CPNE5: variants seen among roughly 807,000 people sequenced by gnomAD.
The protein encoded by CPNE5 is copine 5.
A neutral mutation model predicts 81.1 loss-of-function variants in CPNE5; 42 were observed. That is an observed-to-expected ratio of 0.52 (90% CI 0.40 to 0.67). CPNE5 has a LOEUF of 0.67. CPNE5 is among the 30% of genes least tolerant of loss of function. The probability of loss-of-function intolerance (pLI) is 0.00; values close to 1 mark genes in which losing one functional copy is unlikely to be tolerated. For synonymous variants in CPNE5, 313 were observed against 321.5 expected (o/e 0.97, Z 0.28); for missense variants, 612 against 815.5 (o/e 0.75, Z 3.04).
At chr6:36,763,764 G>C (rs947887093) in intron 11 of CPNE5, among the ~76,000 whole-genome samples, 1 of 152,184 alleles carries the variant, frequency 6.6e-6, no homozygotes, top group Non-Finnish European at 1.5e-5. Flanking sequence ...GCAAAACATA[G>C]ATGAAGCAAA....
chr6:36,803,612 G>A (rs1770326926), intron 3 of CPNE5, among the ~76,000 whole-genome samples: 1 of 152,134 alleles, frequency 6.6e-6, no homozygotes, highest in Admixed American at 6.5e-5. Flanking sequence ...GACCGATTTT[G>A]CATCTATGTG....
In CPNE5 at chr6:36,798,225, G is replaced by C. The variant is rs1423679529; in HGVS notation, c.344C>G (p.Ala115Gly). ...CACAATCTCTCCAAGGGTGCAGAAG[G>C]CCTGGCCCAGGAAATCCTGCATATC... ...DLSKHDFLGQ[A>G]FCTLGEIVGS... is the part of the protein sequence containing the mutation. Residue 115 changes from alanine to glycine, a missense_variant, in exon 6 of 21, where the codon GCC becomes GGC. Transcript: ENST00000244751. 1.2e-6 allele frequency: 2 copies of C among 1,613,646 alleles called. No homozygotes were observed. The highest frequency in any genetic ancestry group is 1.7e-6 in the Non-Finnish European group (2 of 1,179,778).
chr6:36,812,779 C>G (rs181559061), intron 3 of CPNE5, among the ~76,000 whole-genome samples: 61 of 152,308 alleles, frequency 4.0e-4, no homozygotes, highest in African/African-American at 1.4e-3. Flanking sequence ...TAAAGGCTTT[C>G]CAAGTGACCT....
At chr6:36,805,462 T>C (rs907194785) in intron 3 of CPNE5, among the ~76,000 whole-genome samples, 1 of 152,138 alleles carries the variant, frequency 6.6e-6, no homozygotes, top group East Asian at 1.9e-4. Context: ...CACCAAACAC[T>C]GGTAAGCACA....
chr6:36,792,234 C>CA, intron 7 of CPNE5, 138 bp from the exon 8 acceptor site: 1 of 1,240,106 alleles, frequency 8.1e-7, no homozygotes. Flanking sequence ...CCTGAGAAGA[C>CA]AGAGTCTCCT....
chr6:36,755,706 T>G, intron 13 of CPNE5: 1 of 159,620 alleles, frequency 6.3e-6, no homozygotes, highest in South Asian at 1.8e-4. Context: ...GAGAAGCCAC[T>G]AGGCCGGCGT....
Position 36,839,291 on chromosome 6 carries a change from C to A in CPNE5, c.87G>T (p.Val29=). Residue 29 remains valine, a synonymous_variant, in exon 1 of 21, where the codon GTG becomes GTT. Coordinates refer to ENST00000244751, the MANE Select transcript of CPNE5 (RefSeq NM_020939.2). The surrounding 1 kb of genome is among the most constrained non-coding windows in gnomAD (Gnocchi z 7.3). ...GCCAGCGGGAGGCTCACCTGCAGGA[C>A]ACGGTGATCTCCACCTTGGTGGCCG... is the stretch of plus-strand genomic sequence containing the variant. ...SIPATKVEIT[V]SCRNLLDKDM... is the part of the protein sequence containing the mutation. The A allele has an allele frequency of 6.5e-7, 1 of 1,544,324 alleles. No individual in the cohort carries two copies.
chr6:36,781,444 AG>A (rs1368785851), intron 8 of CPNE5, among the ~76,000 whole-genome samples: 1 of 152,222 alleles, frequency 6.6e-6, no homozygotes, highest in Non-Finnish European at 1.5e-5. Flanking sequence ...AGGTTTTTAG[AG>A]GTTAAATCAT....
At chr6:36,825,483 C>T (rs112892239) in intron 1 of CPNE5, among the ~76,000 whole-genome samples, 4 of 152,314 alleles carry the variant, frequency 2.6e-5, no homozygotes, top group African/African-American at 9.6e-5. Context: ...GCCTCCCTGA[C>T]CCCACAGGCA....
At chr6:36,802,887 T>C (rs1409711273) in intron 3 of CPNE5, among the ~76,000 whole-genome samples, 1 of 151,864 alleles carries the variant, frequency 6.6e-6, no homozygotes, top group Non-Finnish European at 1.5e-5. Context: ...CCATCTCTAT[T>C]TAAAAAAAAA....
rs1007125501 is a variant in CPNE5 at position 36,774,705 on chromosome 6, G to A, written c.737+256C>T. Among the ~76,000 whole-genome samples the A allele has an allele frequency of 3.3e-5, 5 of 152,308 alleles. No individual in the cohort carries two copies. In the East Asian group the frequency reaches 9.7e-4, roughly 29 times the overall value. The stretch of plus-strand genomic sequence containing the variant: ...ACCAGTGGGGATGCCAGACAGAGGG[G>A]AAAGAGGTGGGGCGGGTGGGGAGAA... On this transcript the variant is annotated intron_variant, in intron 10 of 20. Coordinates refer to ENST00000244751, the MANE Select transcript of CPNE5 (RefSeq NM_020939.2).
In CPNE5 at chr6:36,746,559, G is replaced by A; in HGVS notation, c.1037C>T (p.Thr346Ile). 6.2e-7 allele frequency: 1 copy of A among 1,612,516 alleles called. No homozygotes were observed. Among genetic ancestry groups the A allele is most frequent in the African/African-American group, 1.3e-5 (1 of 74,946 alleles). The change falls in exon 16 of 21, where the codon ACA becomes ATA. Residue 346 changes from threonine (T) to isoleucine (I), a missense_variant. Physicochemically the swap from Thr to Ile is moderately conservative, Grantham distance 89 (BLOSUM62 -1). Transcript: ENST00000244751. This position sits in a 1 kb window ranked among gnomAD's most constrained non-coding sequence, Gnocchi z 4.5. ...GTAGGGGCTCATGTAGTGCAGGGAT[G>A]TGGACTGTGAGGGGTTCCCTGTAAC... is the stretch of plus-strand genomic sequence containing the variant. The part of the protein sequence containing the change: ...TASNGNPSQS[T>I]SLHYMSPYQL...
In CPNE5 at chr6:36,778,932, G is replaced by T; in HGVS notation, c.554C>A (p.Ala185Asp). 1 of 1,603,740 alleles carries T rather than the reference G, an allele frequency of 6.2e-7. No individual in the cohort carries two copies. Among genetic ancestry groups the T allele is most frequent in the Non-Finnish European group, 8.5e-7 (1 of 1,171,188 alleles). ...GAAATCTTTCTTGTCCAGCTTGTTG[G>T]CACAGAACTGCATGGTGGCGACATC... ...CRDVATMQFC[A>D]NKLDKKDFFG... The change falls in exon 9 of 21, where the codon GCC (alanine) becomes GAC (aspartate). Residue 185 changes from alanine to aspartate, a missense_variant. Ala to Asp is a moderately radical substitution (Grantham distance 126). Coordinates refer to ENST00000244751, the MANE Select transcript of CPNE5 (RefSeq NM_020939.2).
intron 17 of CPNE5, 82 bp downstream of exon 17, chr6:36,745,306 C>A: frequency 1.3e-6 from 2 of 1,507,422 alleles, no homozygotes; most frequent in Non-Finnish European, 9.0e-7. Flanking sequence ...GGAAGAGAAA[C>A]CCCCTCCCAC....
At chr6:36,745,776 C>T (rs1172777648) in intron 16 of CPNE5, among the ~76,000 whole-genome samples, 6 of 152,176 alleles carry the variant, frequency 3.9e-5, no homozygotes, top group Non-Finnish European at 5.9e-5. Flanking sequence ...GGCTGCTTCC[C>T]TCAGGGAACC....
chr6:36,747,981 A>C (rs1184814598), intron 15 of CPNE5, among the ~76,000 whole-genome samples: 2 of 152,186 alleles, frequency 1.3e-5, no homozygotes, highest in Non-Finnish European at 2.9e-5. Context: ...TCCCCCAGGG[A>C]GACTGGGTGT....
intron 3 of CPNE5, among the ~76,000 whole-genome samples, chr6:36,810,705 C>T (rs192153045): frequency 2.4e-4 from 36 of 152,320 alleles, no homozygotes; most frequent in African/African-American, 8.2e-4. Flanking sequence ...AATTCTGTGG[C>T]CACCCCTCCT....
intron 20 of CPNE5, 94 bp from the exon 21 acceptor site, chr6:36,742,580 C>T: frequency 1.1e-6 from 1 of 931,960 alleles, no homozygotes; most frequent in Non-Finnish European, 1.7e-6. Flanking sequence ...ACCCCCCTCC[C>T]AGCCTCTGCT....
intron 12 of CPNE5, among the ~76,000 whole-genome samples, chr6:36,760,052 C>CA (rs773932389): frequency 0.094 from 11,678 of 124,006 alleles, 591 homozygotes; most frequent in Non-Finnish European, 0.13. Flanking sequence ...ACCAAAAATG[C>CA]AAAAAAAAAA....
Sources: allele counts gnomAD v4.1 joint callset (sites outside exome capture counted in the v4.1 genomes callset), GRCh38; gene constraint gnomAD v4.1.1; non-coding constraint Gnocchi (gnomAD v3.1); transcripts MANE v1.5; gene names NCBI Gene and HGNC (gene_info 2026-07-23, HGNC 2026-07-21).